Variants in ARSK observed in about 807,000 individuals in gnomAD.
ARSK encodes arylsulfatase K.
A neutral mutation model predicts 53.2 loss-of-function variants in ARSK; 37 were observed. The observed-to-expected ratio is 0.70, with a 90% CI of 0.54 to 0.92. The LOEUF (loss-of-function observed/expected upper bound fraction) is 0.92. Among genes scored for constraint, ARSK ranks in the 40% least tolerant of loss-of-function variants. The pLI, the probability that ARSK is intolerant of heterozygous loss-of-function variation, is 0.00. For synonymous variants in ARSK, 208 were observed against 223.2 expected, an observed-to-expected ratio of 0.93 and a Z score of 0.61; for missense variants, 613 against 643.0, an observed-to-expected ratio of 0.95 and a Z score of 0.51.
chr5:95,596,037 CA>C (rs1749302526), intron 6 of ARSK, among the ~76,000 whole-genome samples: 1 of 152,088 alleles, frequency 6.6e-6, no homozygotes, highest in Non-Finnish European at 1.5e-5. Flanking sequence ...CATTAACAGG[CA>C]GAAACTGAGG....
At chr5:95,602,917 A>G (rs1749427164) in intron 7 of ARSK, among the ~76,000 whole-genome samples, 2 of 152,216 alleles carry the variant, frequency 1.3e-5, no homozygotes, top group Admixed American at 6.5e-5. Context: ...CTGTCAAAGT[A>G]GGCAGGACAT....
chr5:95,595,716 CT>C (rs1010096353), intron 6 of ARSK, among the ~76,000 whole-genome samples: 2 of 152,136 alleles, frequency 1.3e-5, no homozygotes, highest in Admixed American at 6.6e-5. Context: ...GGTTGATAAA[CT>C]GTTGGGCACT....
chr5:95,568,603 A>C (rs1464967045), intron 3 of ARSK, among the ~76,000 whole-genome samples: 1 of 152,174 alleles, frequency 6.6e-6, no homozygotes, highest in Non-Finnish European at 1.5e-5. Context: ...ACTGTACTTT[A>C]ATTTCTTTGC....
At chr5:95,596,587 A>G (rs1449604828) in intron 6 of ARSK, among the ~76,000 whole-genome samples, 1 of 152,158 alleles carries the variant, frequency 6.6e-6, no homozygotes, top group African/African-American at 2.4e-5. Flanking sequence ...AGAAAAAAAC[A>G]CTTCTTGTAT....
At chr5:95,565,849 A>G in intron 1 of ARSK, 149 bp from the exon 2 acceptor site, 2 of 704,998 alleles carry the variant, frequency 2.8e-6, no homozygotes, top group Non-Finnish European at 4.5e-6. Context: ...CAGATACTGG[A>G]AACACCCTCT....
intron 3 of ARSK, 121 bp from the exon 4 acceptor site, chr5:95,582,795 T>G: frequency 1.0e-6 from 1 of 963,956 alleles, no homozygotes; most frequent in Non-Finnish European, 1.5e-6. Flanking sequence ...ATAGTTATTC[T>G]GAACATTTAC....
In ARSK at chr5:95,600,607, G is replaced by C. The variant is rs144711449; in HGVS notation, c.1097-240G>C. On this transcript the variant is annotated intron_variant, in intron 6 of 7. Transcript: ENST00000380009. ...GAACCTAATAAATACAAGTACTGTG[G>C]TCATCCCCTTCTTACAGATGAGAAA... 8.3e-4 allele frequency: 542 copies of C among 650,144 alleles called. 4 individuals are homozygous for C. In the African/African-American group the frequency reaches 8.4e-3, roughly 10 times the overall value. 40.3% of individuals were successfully genotyped at this position (650,144 alleles called of 1,614,324 possible).
At chr5:95,566,277 T>C (rs2112416111) in intron 2 of ARSK, 150 bp downstream of exon 2, 1 of 961,142 alleles carries the variant, frequency 1.0e-6, no homozygotes, top group Non-Finnish European at 1.5e-6. Flanking sequence ...AAGGTATATA[T>C]TGGCTATTGG....
chr5:95,562,343 T>A (rs1188250621), intron 1 of ARSK, among the ~76,000 whole-genome samples: 4 of 152,236 alleles, frequency 2.6e-5, no homozygotes, highest in African/African-American at 9.6e-5. Context: ...ACTGCACCTG[T>A]ATCAGTTTTA....
intron 3 of ARSK, among the ~76,000 whole-genome samples, chr5:95,580,538 C>G (rs936106473): frequency 1.3e-5 from 2 of 152,132 alleles, no homozygotes; most frequent in Non-Finnish European, 2.9e-5. Flanking sequence ...GTTGCATATT[C>G]ATATTCTCAT....
chr5:95,587,010 C>A (rs891578444), intron 5 of ARSK, among the ~76,000 whole-genome samples: 9 of 152,110 alleles, frequency 5.9e-5, no homozygotes, highest in African/African-American at 2.2e-4. Context: ...GTTTTACTGT[C>A]CTTAAACAGG....
At chr5:95,600,382 ATAAGACTAC>A (rs988574189) in intron 6 of ARSK, among the ~76,000 whole-genome samples, 1 of 152,234 alleles carries the variant, frequency 6.6e-6, no homozygotes, top group Non-Finnish European at 1.5e-5. Context: ...TTGCAAACAT[ATAAGACTAC>A]TAAACCCCTT....
chr5:95,591,678 A>T (rs796636055), intron 6 of ARSK, 53 bp downstream of exon 6: 1 of 1,570,654 alleles, frequency 6.4e-7, no homozygotes, highest in African/African-American at 1.4e-5. Context: ...GGAGAATGCA[A>T]CTGAAGTTGT....
rs1228224948 is a variant in ARSK, at chr5:95,555,128, G to C, written c.-151G>C. On this transcript the variant is annotated 5_prime_UTR_variant, in exon 1 of 8. Transcript: ENST00000380009. This position sits in a 1 kb window ranked among gnomAD's most constrained non-coding sequence, Gnocchi z 4.0. ...GCGCGCTCTCCGCCTGATAGGAGTT[G>C]TAGTTCTGCGGGTGAAGCTCGGCGT... is the stretch of plus-strand genomic sequence containing the variant. 2 of 601,520 alleles carry C rather than the reference G, an allele frequency of 3.3e-6. No individual in the cohort carries two copies. The highest frequency in any genetic ancestry group is 7.9e-5 in the East Asian group (2 of 25,214). 37.3% of individuals were successfully genotyped at this position (601,520 alleles called of 1,614,324 possible). A position where few individuals can be genotyped will look rare whatever the true frequency, so the allele number is the denominator to read the frequency against.
chr5:95,601,707 G>A lies in ARSK; in HGVS notation c.1321+636G>A, dbSNP rs188923826. Among the ~76,000 whole-genome samples the A allele has an allele frequency of 5.7e-4, 87 of 152,280 alleles. 2 individuals carry two copies. The highest frequency in any genetic ancestry group is 1.3e-4 in the Non-Finnish European group (9 of 68,020). ...TCCCCATTTAGTACATAAAATATGT[G>A]CTAAAGCCATAAGTAATATTTATTT... is the stretch of plus-strand genomic sequence containing the variant. On this transcript the variant is annotated intron_variant, in intron 7 of 7. Transcript: ENST00000380009.
chr5:95,595,672 G>A (rs1487396332), intron 6 of ARSK, among the ~76,000 whole-genome samples: 1 of 146,970 alleles, frequency 6.8e-6, no homozygotes, highest in African/African-American at 2.5e-5. Context: ...TACTAGAAGG[G>A]AGAGGGAGGG....
intron 1 of ARSK, among the ~76,000 whole-genome samples, chr5:95,557,708 G>A (rs149195579): frequency 1.3e-5 from 2 of 152,260 alleles, no homozygotes; most frequent in African/African-American, 4.8e-5. Context: ...AAACTCTGCA[G>A]GCTAAGATAG....
At chr5:95,599,958 C>G (rs1426422332) in intron 6 of ARSK, among the ~76,000 whole-genome samples, 4 of 152,032 alleles carry the variant, frequency 2.6e-5, no homozygotes, top group South Asian at 4.2e-4. Flanking sequence ...CAGAAAAGGG[C>G]TGGGGAAGAC....
At chr5:95,583,322 C>A in intron 4 of ARSK, 124 bp downstream of exon 4, 1 of 814,158 alleles carries the variant, frequency 1.2e-6, no homozygotes, top group Non-Finnish European at 1.8e-6. Flanking sequence ...TCAAACTTGA[C>A]CAATAACTAG....
Sources: gnomAD v4.1 joint callset for allele counts (sites outside exome capture counted in the v4.1 genomes callset) on GRCh38, gnomAD v4.1.1 for gene constraint, Gnocchi (gnomAD v3.1) non-coding constraint, MANE v1.5 for transcripts, NCBI Gene and HGNC (gene_info 2026-07-23, HGNC 2026-07-21) for gene names.